ARHGAP45: variants seen among roughly 807,000 people sequenced by gnomAD.
ARHGAP45 encodes rho GTPase-activating protein 45.
In ARHGAP45, 56 loss-of-function variants were observed where a neutral mutation model predicts 116.1. The observed-to-expected ratio is 0.48, with a 90% CI of 0.39 to 0.60. The LOEUF (loss-of-function observed/expected upper bound fraction) is 0.60. ARHGAP45 is among the 20% of genes least tolerant of loss of function. The pLI is 0.00. For missense variants in ARHGAP45, 1,622 were observed against 1,601.0 expected, an observed-to-expected ratio of 1.01 and a Z score of -0.22; for synonymous variants, 866 against 701.7, an observed-to-expected ratio of 1.23 and a Z score of -3.70.
In ARHGAP45 at chr19:1,080,973, C is replaced by T; in HGVS notation, c.2099C>T (p.Ala700Val). 1 of 1,607,980 alleles carries T rather than the reference C, an allele frequency of 6.2e-7. No homozygotes were observed. The highest frequency in any genetic ancestry group is 8.5e-7 in the Non-Finnish European group (1 of 1,178,068). The change falls in exon 17 of 23, where the codon GCC becomes GTC. Residue 700 changes from alanine to valine, a missense_variant. By Grantham distance (64) the Ala-to-Val change is moderately conservative. Transcript: ENST00000313093. ...CGCCACGAGGGGCTGTCCAAGGCGG[C>T]CCGTACTCACCGGCTCCGGAAGCTC... The part of the protein sequence containing the change: ...PFRHEGLSKA[A>V]RTHRLRKLRT...
intron 10 of ARHGAP45, chr19:1,077,547 C>T: frequency 9.0e-7 from 1 of 1,106,726 alleles, no homozygotes; most frequent in Non-Finnish European, 1.2e-6. Flanking sequence ...CAATGCCCGG[C>T]TAATTGTTTT....
At position 1,068,250 on chromosome 19, in the gene ARHGAP45, G is replaced by A. The variant is rs568567875; in HGVS notation, c.91-164G>A. ...GGGAAGAGGATGTTGGGTAACAGGT[G>A]GGGGGGTACACTACCAAATCTCGGC... On this transcript the variant is annotated intron_variant, in intron 1 of 22. Transcript: ENST00000313093. The surrounding 1 kb of genome is among the most constrained non-coding windows in gnomAD (Gnocchi z 7.5). The A allele has an allele frequency of 6.7e-6, 4 of 596,082 alleles. No individual in the cohort carries two copies. Among genetic ancestry groups the A allele is most frequent in the South Asian group, 2.2e-5 (1 of 46,338 alleles). 36.9% of individuals were successfully genotyped at this position (596,082 alleles called of 1,614,324 possible). A position where few individuals can be genotyped will look rare whatever the true frequency, so the allele number is the denominator to read the frequency against.
chr19:1,082,397 C>T (rs565571252), intron 19 of ARHGAP45: 1 of 149,310 alleles, frequency 6.7e-6, no homozygotes. Flanking sequence ...GCGGGGCTGG[C>T]GGTGGGGCCT....
intron 10 of ARHGAP45, among the ~76,000 whole-genome samples, chr19:1,076,483 C>CTTTTTTTTTTTTTTTTTTTTTTTT (rs71174343): frequency 1.5e-5 from 1 of 64,982 alleles, no homozygotes; most frequent in African/African-American, 5.9e-5. Flanking sequence ...TGGCAGTAGT[C>CTTTTTTTTTTTTTTTTTTTTTTTT]TTTTTTTTTT....
chr19:1,077,055 T>G (rs1483399080), intron 10 of ARHGAP45: 1 of 984,800 alleles, frequency 1.0e-6, no homozygotes, highest in Non-Finnish European at 1.2e-6. Flanking sequence ...ATGAGTCCGT[T>G]TGTTTGTGTG....
In ARHGAP45 at chr19:1,071,303, G is replaced by C; in HGVS notation, c.422-1846G>C. ...ACGGCTGCGCCATGTGTATCTGCGGGACGGCGCACCCGGTGCTGGACGAGG... is the reference window on the plus strand; with the variant it reads ...ACGGCTGCGCCATGTGTATCTGCGGCACGGCGCACCCGGTGCTGGACGAGG... On this transcript the variant is annotated intron_variant, in intron 2 of 22. Coordinates refer to ENST00000313093, the MANE Select transcript of ARHGAP45 (RefSeq NM_012292.5). This position sits in a 1 kb window ranked among gnomAD's most constrained non-coding sequence, Gnocchi z 4.6. 1 of 1,466,912 alleles carries C rather than the reference G, an allele frequency of 6.8e-7. No individual in the cohort carries two copies. The highest frequency in any genetic ancestry group is 9.0e-7 in the Non-Finnish European group (1 of 1,115,304). 90.9% of individuals were successfully genotyped at this position (1,466,912 alleles called of 1,614,324 possible).
upstream of ARHGAP45, chr19:1,065,999 C>T (rs1568444913): frequency 6.5e-7 from 1 of 1,532,096 alleles, no homozygotes; most frequent in Non-Finnish European, 8.7e-7. Flanking sequence ...AGCTGACCCT[C>T]ACCCTCTGAC....
At chr19:1,066,400 G>C (rs566213722), upstream of ARHGAP45, 7 of 557,476 alleles carry the variant, frequency 1.3e-5, no homozygotes, top group Middle Eastern at 4.8e-4. Context: ...TGCCCAGCAC[G>C]TCCGGTGGTC....
chr19:1,083,021 C>T lies in ARHGAP45; in HGVS notation c.2699C>T (p.Pro900Leu), dbSNP rs747390396. The T allele has an allele frequency of 9.7e-6, 15 of 1,545,364 alleles. No individual in the cohort carries two copies. Among genetic ancestry groups the T allele is most frequent in the African/African-American group, 4.1e-5 (3 of 73,664 alleles). ...RLRELLRDLP[P>L]ENRASLQYLL... is the part of the protein sequence containing the mutation. ...CGGGAGCTCCTGCGGGACCTGCCGCCTGAGAACCGGGCCTCGCTGCAGTAC... is the reference window on the plus strand; with the variant it reads ...CGGGAGCTCCTGCGGGACCTGCCGCTTGAGAACCGGGCCTCGCTGCAGTAC... The change falls in exon 20 of 23, where the codon CCT becomes CTT. Residue 900 changes from proline to leucine, a missense_variant. Pro to Leu is a moderately conservative substitution (Grantham distance 98, BLOSUM62 -3). Transcript: ENST00000313093.
chr19:1,073,628 TG>T (rs2043180077), intron 4 of ARHGAP45, 38 bp downstream of exon 4: 7 of 1,611,390 alleles, frequency 4.3e-6, no homozygotes, highest in African/African-American at 1.3e-5. Flanking sequence ...CAAGGGAGCG[TG>T]GGGGGCCCGG....
chr19:1,086,088 G>A lies in ARHGAP45; in HGVS notation c.*82G>A, dbSNP rs534947728. 9.0e-4 allele frequency: 1,143 copies of A among 1,270,902 alleles called. 7 individuals are homozygous for A. In the African/African-American group the frequency reaches 0.015, roughly 17 times the overall value. The allele number at this position is 1,270,902 out of a possible 1,614,324, so 78.7% of individuals were successfully genotyped here. ...AGCACGTCCCCTGCACCACGGCATAGCTTAGGTGCGCCGTCCTGGGGTCGC... is the reference window on the plus strand; with the variant it reads ...AGCACGTCCCCTGCACCACGGCATAACTTAGGTGCGCCGTCCTGGGGTCGC... On this transcript the variant is annotated 3_prime_UTR_variant, in exon 23 of 23. Transcript: ENST00000313093.
In ARHGAP45 at chr19:1,075,035, CA is replaced by C. The variant is rs376234287; in HGVS notation, c.1185+158del. ...GCCTCGCAGGCTGGGCCGCCCCCCC[CA>C]ACGCCAAGCCGGGTCGGAGATGCTC... On this transcript the variant is annotated intron_variant, in intron 10 of 22. Transcript: ENST00000313093. Among the ~76,000 whole-genome samples the C allele has an allele frequency of 3.7e-3, 520 of 140,168 alleles. 1 individual carries two copies. Among genetic ancestry groups the C allele is most frequent in the Non-Finnish European group, 4.0e-3 (255 of 64,206 alleles). The allele number at this position is 140,168 out of a possible 152,430, so 92.0% of individuals were successfully genotyped here. A position where few individuals can be genotyped will look rare whatever the true frequency, so the allele number is the denominator to read the frequency against.
intron 17 of ARHGAP45, chr19:1,081,328 C>A (rs935966974): frequency 1.6e-6 from 1 of 641,182 alleles, no homozygotes; most frequent in South Asian, 2.2e-5. Flanking sequence ...GGGCAAAGGC[C>A]CTGGAGCTGT....
chr19:1,080,212 GC>G lies in ARHGAP45; in HGVS notation c.1704-37del, dbSNP rs776145318. 2.1e-4 allele frequency: 342 copies of G among 1,610,916 alleles called. 1 individual carries two copies. The highest frequency in any genetic ancestry group is 9.9e-4 in the Middle Eastern group (6 of 6,040). Reference sequence around the variant, plus strand: ...GGGGGCATGAAGATGAAGCTGTCTTGCCCCCCATCACCTCCCCTCCTTTTCC... The same window carrying G: ...GGGGGCATGAAGATGAAGCTGTCTTGCCCCCATCACCTCCCCTCCTTTTCC... On this transcript the variant is annotated intron_variant, in intron 13 of 22. Coordinates refer to ENST00000313093, the MANE Select transcript of ARHGAP45 (RefSeq NM_012292.5).
chr19:1,067,222 C>A lies in ARHGAP45; in HGVS notation c.-184C>A. 1 of 1,355,484 alleles carries A rather than the reference C, an allele frequency of 7.4e-7. No homozygotes were observed. The highest frequency in any genetic ancestry group is 9.4e-7 in the Non-Finnish European group (1 of 1,060,344). 84.0% of individuals were successfully genotyped at this position (1,355,484 alleles called of 1,614,324 possible). A position where few individuals can be genotyped will look rare whatever the true frequency, so the allele number is the denominator to read the frequency against. ...AGGGTCGGGGGCGAGGCCGCGTCGCCGCCTCCCCGAAGCCTTTTCCTGTTG... is the reference window on the plus strand; with the variant it reads ...AGGGTCGGGGGCGAGGCCGCGTCGCAGCCTCCCCGAAGCCTTTTCCTGTTG... On this transcript the variant is annotated 5_prime_UTR_variant, in exon 1 of 23. Coordinates refer to ENST00000313093, the MANE Select transcript of ARHGAP45 (RefSeq NM_012292.5).
chr19:1,086,278 T>C lies in ARHGAP45; in HGVS notation c.*272T>C, dbSNP rs1177856913. 7 of 450,328 alleles carry C rather than the reference T, an allele frequency of 1.6e-5. No individual in the cohort carries two copies. Among genetic ancestry groups the C allele is most frequent in the Non-Finnish European group, 2.8e-5 (7 of 246,328 alleles). The allele number at this position is 450,328 out of a possible 1,614,324, so 27.9% of individuals were successfully genotyped here. The stretch of plus-strand genomic sequence containing the variant: ...GCTGTCGTGTGAAGTCACAGTGGCC[T>C]TGTTGGTGCCCACAGGGCTGTGTGG... On this transcript the variant is annotated 3_prime_UTR_variant, in exon 23 of 23. Transcript: ENST00000313093.
In ARHGAP45 at chr19:1,085,722, T is replaced by G; in HGVS notation, c.3127T>G (p.Ser1043Ala). ...DLEEASELLS[S>A]SEASALGHLS... ...AGAGGAGGCCTCCGAGCTGCTGTCCTCATCGGAGGCCAGTGCCCTGGGCCA... is the reference window on the plus strand; with the variant it reads ...AGAGGAGGCCTCCGAGCTGCTGTCCGCATCGGAGGCCAGTGCCCTGGGCCA... The change falls in exon 23 of 23, where the codon TCA becomes GCA. Residue 1043 changes from serine to alanine, a missense_variant. Physicochemically the swap from Ser to Ala is moderately conservative, Grantham distance 99 (BLOSUM62 1). Transcript: ENST00000313093. The G allele has an allele frequency of 6.2e-7, 1 of 1,610,208 alleles. No homozygotes were observed. Among genetic ancestry groups the G allele is most frequent in the Non-Finnish European group, 8.5e-7 (1 of 1,178,696 alleles).
rs1161043975 is a variant in ARHGAP45, at chr19:1,086,584, T to C, written c.*578T>C. On this transcript the variant is annotated 3_prime_UTR_variant, in exon 23 of 23. Coordinates refer to ENST00000313093, the MANE Select transcript of ARHGAP45 (RefSeq NM_012292.5). Reference sequence around the variant, plus strand: ...TCTCGGAAGCCACCGTGTGGTTCTTTCACAGGCACGTTTATTTTGCTGAAA... The same window carrying C: ...TCTCGGAAGCCACCGTGTGGTTCTTCCACAGGCACGTTTATTTTGCTGAAA... 6.6e-6 allele frequency: 1 copy of C among 152,234 alleles called. No homozygotes were observed. Among genetic ancestry groups the C allele is most frequent in the Non-Finnish European group, 1.5e-5 (1 of 67,948 alleles). The allele number at this position is 152,234 out of a possible 1,614,324, so 9.4% of individuals were successfully genotyped here.
chr19:1,082,048 C>A (rs1448247819), intron 19 of ARHGAP45, 87 bp downstream of exon 19: 50 of 1,342,822 alleles, frequency 3.7e-5, no homozygotes, highest in Non-Finnish European at 4.8e-5. Context: ...GGAGCTGGAG[C>A]AGGACTGAGC....
Sources: allele counts gnomAD v4.1 joint callset (sites outside exome capture counted in the v4.1 genomes callset), GRCh38; gene constraint gnomAD v4.1.1; non-coding constraint Gnocchi (gnomAD v3.1); transcripts MANE v1.5; gene names NCBI Gene and HGNC (gene_info 2026-07-23, HGNC 2026-07-21).